The following CSMD1 variants were observed in gnomAD, a reference collection of about 807,000 sequenced individuals.
The protein encoded by CSMD1 is CUB and sushi domain-containing protein 1.
CSMD1 carries 213 observed loss-of-function variants against 417.5 expected under a neutral mutation model. That is an observed-to-expected ratio of 0.51 (90% CI 0.46 to 0.57). The LOEUF is 0.57. Ranked by LOEUF, CSMD1 falls within the 20% of genes least tolerant of loss-of-function variation. CSMD1 has a pLI of 0.00. For synonymous variants in CSMD1, 2,862 were observed against 1,736.8 expected (o/e 1.65, Z -16.11); for missense variants, 6,923 against 4,529.7 (o/e 1.53, Z -15.17).
chr8:3,998,454 G>A (rs1815397220), intron 4 of CSMD1, among the ~76,000 whole-genome samples: 2 of 152,306 alleles, frequency 1.3e-5, no homozygotes, highest in South Asian at 2.1e-4. Context: ...ATGACACTAT[G>A]TAAGCAACAT....
At chr8:4,136,538 T>A (rs75041586) in intron 3 of CSMD1, among the ~76,000 whole-genome samples, 4,427 of 152,260 alleles carry the variant, frequency 0.029, 217 homozygotes, top group African/African-American at 0.099. Flanking sequence ...CTTCAATGAC[T>A]CTCAGCAAAA....
chr8:3,849,032 T>G (rs2129098798), intron 5 of CSMD1, among the ~76,000 whole-genome samples: 1 of 152,176 alleles, frequency 6.6e-6, no homozygotes, highest in South Asian at 2.1e-4. Flanking sequence ...CATATAAACT[T>G]AAACTTAGTG....
chr8:3,383,689 A>G (rs1275148691), intron 18 of CSMD1, among the ~76,000 whole-genome samples: 2 of 142,708 alleles, frequency 1.4e-5, no homozygotes, highest in Non-Finnish European at 3.1e-5. Flanking sequence ...CTGTATCTAA[A>G]TATTTACACA....
At chr8:4,013,150 G>T (rs1191699906) in intron 4 of CSMD1, among the ~76,000 whole-genome samples, 1 of 152,006 alleles carries the variant, frequency 6.6e-6, no homozygotes, top group African/African-American at 2.4e-5. Flanking sequence ...CTCCCACACT[G>T]CTCAGTATAG....
chr8:3,472,739 C>G (rs545867311), intron 11 of CSMD1, among the ~76,000 whole-genome samples: 47 of 152,238 alleles, frequency 3.1e-4, no homozygotes, highest in Non-Finnish European at 5.7e-4. Flanking sequence ...CTTATTTCTT[C>G]TGTTCTCAGC....
At chr8:2,985,655 C>T (rs532130902) in intron 54 of CSMD1, among the ~76,000 whole-genome samples, 1 of 152,284 alleles carries the variant, frequency 6.6e-6, no homozygotes, top group South Asian at 2.1e-4. Context: ...TTCAAACAAA[C>T]ATTGTCAACT....
At chr8:4,754,726 G>A (rs1019765137) in intron 1 of CSMD1, among the ~76,000 whole-genome samples, 3 of 152,028 alleles carry the variant, frequency 2.0e-5, no homozygotes, top group Non-Finnish European at 2.9e-5. Flanking sequence ...GTGGGCGCCT[G>A]TAGTCCCAGC....
chr8:2,973,881 A>G (rs112397526), intron 56 of CSMD1, among the ~76,000 whole-genome samples: 6,810 of 106,254 alleles, frequency 0.064, 79 homozygotes, highest in East Asian at 0.18. Context: ...GTAGAGGATG[A>G]TGGTAGAGGA....
intron 5 of CSMD1, among the ~76,000 whole-genome samples, chr8:3,840,781 C>T (rs694323): frequency 4.7e-5 from 7 of 150,488 alleles, no homozygotes; most frequent in South Asian, 4.2e-4. Context: ...CTGCAACGTC[C>T]GCCTCCTGGG....
At chr8:4,380,437 C>G (rs1318340849) in intron 3 of CSMD1, among the ~76,000 whole-genome samples, 2 of 152,162 alleles carry the variant, frequency 1.3e-5, no homozygotes, top group Non-Finnish European at 2.9e-5. Context: ...AGAATTTCCA[C>G]AGAATGGTTT....
At chr8:4,530,722 C>T (rs1179838912) in intron 2 of CSMD1, among the ~76,000 whole-genome samples, 1 of 150,984 alleles carries the variant, frequency 6.6e-6, no homozygotes, top group East Asian at 1.9e-4. Context: ...ATATGTGCCA[C>T]ATTTTCTTTA....
At chr8:3,991,093 C>A (rs921272336) in intron 5 of CSMD1, among the ~76,000 whole-genome samples, 3 of 152,222 alleles carry the variant, frequency 2.0e-5, no homozygotes, top group African/African-American at 7.2e-5. Flanking sequence ...CCAGCGGCTT[C>A]ATCCCTGGCC....
At chr8:4,309,939 G>C in intron 3 of CSMD1, among the ~76,000 whole-genome samples, 1 of 152,122 alleles carries the variant, frequency 6.6e-6, no homozygotes, top group South Asian at 2.1e-4. Flanking sequence ...AAACATGATA[G>C]TCGATTATAG....
At chr8:3,256,570 T>C (rs908673061) in intron 26 of CSMD1, among the ~76,000 whole-genome samples, 1 of 152,254 alleles carries the variant, frequency 6.6e-6, no homozygotes, top group Non-Finnish European at 1.5e-5. Flanking sequence ...TTTTGCTTTA[T>C]GTCTCCTGAC....
chr8:4,136,216 C>CAT (rs1803424231), intron 3 of CSMD1, among the ~76,000 whole-genome samples: 1 of 152,156 alleles, frequency 6.6e-6, no homozygotes, highest in Admixed American at 6.5e-5. Flanking sequence ...AAATTGATCA[C>CAT]ATATATAGAA....
intron 5 of CSMD1, among the ~76,000 whole-genome samples, chr8:3,863,112 C>T (rs766159813): frequency 6.6e-6 from 1 of 151,962 alleles, no homozygotes; most frequent in Non-Finnish European, 1.5e-5. Flanking sequence ...TTTAAAGGTG[C>T]GAAGGTCGGG....
At chr8:4,088,305 A>G (rs960319942) in intron 3 of CSMD1, among the ~76,000 whole-genome samples, 1 of 152,234 alleles carries the variant, frequency 6.6e-6, no homozygotes, top group Non-Finnish European at 1.5e-5. Context: ...TACAGCCTGC[A>G]AAGCTAGAGT....
chr8:4,444,495 T>C (rs1383811277), intron 2 of CSMD1, among the ~76,000 whole-genome samples: 1 of 151,282 alleles, frequency 6.6e-6, no homozygotes, highest in East Asian at 1.9e-4. Context: ...TCAATTAGGA[T>C]ATATTTTGAC....
intron 4 of CSMD1, among the ~76,000 whole-genome samples, chr8:4,003,059 C>G (rs1299204752): frequency 2.0e-5 from 3 of 151,946 alleles, no homozygotes; most frequent in African/African-American, 7.3e-5. Flanking sequence ...AACAACACAG[C>G]AGGGGGATAT....
Sources: allele counts gnomAD v4.1 joint callset (sites outside exome capture counted in the v4.1 genomes callset), GRCh38; gene constraint gnomAD v4.1.1; transcripts MANE v1.5; gene names NCBI Gene and HGNC (gene_info 2026-07-23, HGNC 2026-07-21).